Variants in SCAI observed in about 807,000 individuals in gnomAD.
SCAI encodes suppressor of cancer cell invasion, also known as protein SCAI.
SCAI carries 24 observed loss-of-function variants against 92.2 expected under a neutral mutation model. That is an observed-to-expected ratio of 0.26 (90% CI 0.19 to 0.37). SCAI has a LOEUF of 0.37. Among genes scored for constraint, SCAI ranks in the 10% least tolerant of loss-of-function variants. The pLI is 1.00. For missense variants in SCAI, 450 were observed against 736.2 expected (o/e 0.61, Z 4.50); for synonymous variants, 261 against 258.6 (o/e 1.01, Z -0.09).
intron 2 of SCAI, among the ~76,000 whole-genome samples, chr9:125,066,948 A>G (rs1564399813): frequency 6.6e-6 from 1 of 152,194 alleles, no homozygotes. Context: ...TATACCGTGA[A>G]GCCTAGGTAT....
rs1170846466 is a variant in SCAI at position 125,012,697 on chromosome 9, A to C, written c.861+6102T>G. Among the ~76,000 whole-genome samples the C allele has an allele frequency of 3.3e-5, 5 of 152,140 alleles. No homozygotes were observed. In the East Asian group the frequency reaches 9.7e-4, roughly 29 times the overall value. On this transcript the variant is annotated intron_variant, in intron 9 of 17. Transcript: ENST00000336505. The stretch of plus-strand genomic sequence containing the variant: ...AGCAGACCTAATAGACATCTACAGA[A>C]CTCTCCACCCCAAATCAACTGAATA...
intron 3 of SCAI, among the ~76,000 whole-genome samples, chr9:125,046,835 A>T (rs1197444905): frequency 1.3e-5 from 2 of 152,064 alleles, no homozygotes; most frequent in African/African-American, 4.8e-5. Flanking sequence ...GAGGGAGCTA[A>T]CATATAAGAC....
At chr9:125,130,680 ATTT>A (rs151026621) in intron 2 of SCAI, among the ~76,000 whole-genome samples, 2 of 141,380 alleles carry the variant, frequency 1.4e-5, no homozygotes, top group Non-Finnish European at 1.6e-5. Flanking sequence ...ATCCCGGCTA[ATTT>A]TTTTTTTTTT....
intron 3 of SCAI, among the ~76,000 whole-genome samples, chr9:125,032,195 A>ATATATATTTTTTTTT (rs1177865840): frequency 4.0e-5 from 4 of 99,476 alleles, no homozygotes; most frequent in African/African-American, 1.9e-4. Flanking sequence ...ATATATATAT[A>ATATATATTTTTTTTT]TTTTTTTTTT....
intron 14 of SCAI, among the ~76,000 whole-genome samples, chr9:124,984,129 G>C (rs1831941081): frequency 6.6e-6 from 1 of 152,122 alleles, no homozygotes; most frequent in East Asian, 1.9e-4. Context: ...GAATAATGTA[G>C]GTATCTTTGG....
At chr9:125,020,899 G>A in intron 6 of SCAI, 130 bp from the exon 7 acceptor site, 1 of 477,710 alleles carries the variant, frequency 2.1e-6, no homozygotes, top group Non-Finnish European at 3.7e-6. Context: ...CCACATATAA[G>A]CATATAGTCT....
At chr9:125,021,653 T>C (rs1003843635) in intron 6 of SCAI, among the ~76,000 whole-genome samples, 3 of 152,200 alleles carry the variant, frequency 2.0e-5, no homozygotes, top group Admixed American at 2.0e-4. Flanking sequence ...TCACAAATAA[T>C]AGCCTTACAA....
chr9:124,982,014 C>T lies in SCAI; in HGVS notation c.1327-5828G>A, dbSNP rs144902288. 3.9e-5 allele frequency among the ~76,000 whole-genome samples: 6 copies of T among 152,236 alleles called. No individual in the cohort carries two copies. In the East Asian group the frequency reaches 9.6e-4, roughly 24 times the overall value. On this transcript the variant is annotated intron_variant, in intron 14 of 17. Transcript: ENST00000336505. The stretch of plus-strand genomic sequence containing the variant: ...TTTTGATAGATGATTCTATTAATAG[C>T]CTATTGGCTAGTATTTTATTTAAAT...
rs1490631593 is a variant in SCAI at position 125,018,803 on chromosome 9, T to C, written c.857A>G (p.Asn286Ser). ...AATTCCTTCACAATTCTTTACCTGA[T>C]TATTACAATTACCAATAATGAGTGC... ...ADALIIGNCNNQVKFSELTVD... is the reference protein window; with the variant it reads ...ADALIIGNCNSQVKFSELTVD... Residue 286 changes from asparagine to serine, a missense_variant, in exon 9 of 18, where the codon AAT (asparagine) becomes AGT (serine). Transcript: ENST00000336505. 1.2e-6 allele frequency: 2 copies of C among 1,607,394 alleles called. No individual in the cohort carries two copies. Among genetic ancestry groups the C allele is most frequent in the Admixed American group, 1.7e-5 (1 of 58,020 alleles).
chr9:125,113,896 A>G (rs1432673291), intron 2 of SCAI, among the ~76,000 whole-genome samples: 1 of 152,174 alleles, frequency 6.6e-6, no homozygotes, highest in African/African-American at 2.4e-5. Context: ...CGGGAGGCGG[A>G]GTCTGCGGTG....
intron 17 of SCAI, among the ~76,000 whole-genome samples, chr9:124,961,862 G>A (rs1831442247): frequency 6.7e-6 from 1 of 148,418 alleles, no homozygotes; most frequent in South Asian, 2.1e-4. Flanking sequence ...ACTAATAAAT[G>A]TCCTTTGTGG....
At chr9:125,066,464 A>T (rs57636537) in intron 2 of SCAI, among the ~76,000 whole-genome samples, 32,050 of 137,866 alleles carry the variant, frequency 0.23, 4,307 homozygotes, top group African/African-American at 0.38. Context: ...TTATTTATTT[A>T]TTTTTTTTTG....
chr9:125,116,656 A>C (rs1235366773), intron 2 of SCAI, among the ~76,000 whole-genome samples: 1 of 152,144 alleles, frequency 6.6e-6, no homozygotes, highest in African/African-American at 2.4e-5. Flanking sequence ...TAATATATTA[A>C]GAGAAAACCA....
At position 124,948,959 on chromosome 9, in the gene SCAI, C is replaced by T. The variant is rs1301277455; in HGVS notation, c.*3848G>A. On this transcript the variant is annotated 3_prime_UTR_variant, in exon 18 of 18. Transcript: ENST00000336505. ...ATTTTTAAAAAATGAAATTCTTTGC[C>T]ACTATCATCAGCTCAAGCCCATTGG... 6.6e-6 allele frequency: 1 copy of T among 152,094 alleles called. No homozygotes were observed. Among genetic ancestry groups the T allele is most frequent in the African/African-American group, 2.4e-5 (1 of 41,416 alleles). The allele number at this position is 152,094 out of a possible 1,614,324, so 9.4% of individuals were successfully genotyped here.
chr9:124,949,004 ATTC>A lies in SCAI; in HGVS notation c.*3800_*3802del, dbSNP rs1831194971. The A allele has an allele frequency of 1.3e-5, 2 of 152,270 alleles. No homozygotes were observed. Among genetic ancestry groups the A allele is most frequent in the Admixed American group, 1.3e-4 (2 of 15,292 alleles). 9.4% of individuals were successfully genotyped at this position (152,270 alleles called of 1,614,324 possible). On this transcript the variant is annotated 3_prime_UTR_variant, in exon 18 of 18. Transcript: ENST00000336505. This position sits in a 1 kb window ranked among gnomAD's most constrained non-coding sequence, Gnocchi z 4.0. ...CATTGGGCAACTGTCCTTTTAGATAATTCTTCTCCCTTGATTAAAGAAATACAG... is the reference window on the plus strand; with the variant it reads ...CATTGGGCAACTGTCCTTTTAGATAATTCTCCCTTGATTAAAGAAATACAG...
At chr9:124,973,751 T>C (rs1030563033) in intron 15 of SCAI, among the ~76,000 whole-genome samples, 1 of 152,120 alleles carries the variant, frequency 6.6e-6, no homozygotes. Flanking sequence ...TCGCTTGAAC[T>C]TGGGAGGCAG....
chr9:124,997,875 C>CA lies in SCAI; in HGVS notation c.1244+2015dup, dbSNP rs35502581. The stretch of plus-strand genomic sequence containing the variant: ...TGGGCGGCAGAGTAAAACTCTGTCT[C>CA]AAAAAAAAAAAAAAAAGAAAAGAAA... On this transcript the variant is annotated intron_variant, in intron 13 of 17. Coordinates refer to ENST00000336505, the MANE Select transcript of SCAI (RefSeq NM_001144877.3). Among the ~76,000 whole-genome samples, 272 of 111,072 alleles carry CA rather than the reference C, an allele frequency of 2.4e-3. 2 individuals are homozygous for CA. Among genetic ancestry groups the CA allele is most frequent in the Middle Eastern group, 0.019 (4 of 216 alleles). The allele number at this position is 111,072 out of a possible 152,430, so 72.9% of individuals were successfully genotyped here. A position where few individuals can be genotyped will look rare whatever the true frequency, so the allele number is the denominator to read the frequency against.
chr9:125,047,626 T>G (rs1355909847), intron 3 of SCAI, among the ~76,000 whole-genome samples: 1 of 152,128 alleles, frequency 6.6e-6, no homozygotes, highest in Non-Finnish European at 1.5e-5. Context: ...CCAATATGGA[T>G]TCACGAGAAA....
chr9:124,959,096 T>C (rs2131575975), intron 17 of SCAI, among the ~76,000 whole-genome samples: 1 of 151,852 alleles, frequency 6.6e-6, no homozygotes, highest in African/African-American at 2.4e-5. Context: ...TTCCCCTTCC[T>C]GTGTCCATGT....
Sources: gnomAD v4.1 joint callset for allele counts (sites outside exome capture counted in the v4.1 genomes callset) on GRCh38, gnomAD v4.1.1 for gene constraint, Gnocchi (gnomAD v3.1) non-coding constraint, MANE v1.5 for transcripts, NCBI Gene and HGNC (gene_info 2026-07-23, HGNC 2026-07-21) for gene names.